Variants in ZNF112 observed in about 807,000 individuals in gnomAD.
ZNF112 encodes zinc finger protein 112.
A neutral mutation model predicts 77.7 loss-of-function variants in ZNF112; 37 were observed. The observed-to-expected ratio is 0.48, with a 90% confidence interval of 0.37 to 0.63. ZNF112 has a LOEUF of 0.63. Ranked by LOEUF, ZNF112 falls within the 20% of genes least tolerant of loss-of-function variation. ZNF112 has a pLI of 0.00. For synonymous variants in ZNF112, 333 were observed against 363.6 expected (o/e 0.92, Z 0.96); for missense variants, 950 against 1,077.4 (o/e 0.88, Z 1.66).
chr19:44,327,938 A>T lies in ZNF112; in HGVS notation c.2219T>A (p.Val740Glu), dbSNP rs1336297366. Residue 740 changes from valine (V) to glutamate (E), a missense_variant, in exon 4 of 4, where the codon GTG becomes GAG. Coordinates refer to ENST00000354340, the MANE Select transcript of ZNF112 (RefSeq NM_013380.4). ...LQGHQRVHTR[V>E]KPYKCEMCGK... ...ACACATCTCACATTTATACGGTTTCACTCTAGTGTGGACTCTCTGATGACC... is the reference window on the plus strand; with the variant it reads ...ACACATCTCACATTTATACGGTTTCTCTCTAGTGTGGACTCTCTGATGACC... 3 of 1,596,960 alleles carry T rather than the reference A, an allele frequency of 1.9e-6. No individual in the cohort carries two copies. The highest frequency in any genetic ancestry group is 1.7e-5 in the Admixed American group (1 of 58,280).
chr19:44,340,190 A>G (rs1970464307), intron 2 of ZNF112, among the ~76,000 whole-genome samples: 1 of 152,184 alleles, frequency 6.6e-6, no homozygotes, highest in Non-Finnish European at 1.5e-5. Context: ...ACAACTTACT[A>G]AACTGTTTGA....
At chr19:44,354,601 A>G (rs1970752320) in intron 1 of ZNF112, among the ~76,000 whole-genome samples, 1 of 152,138 alleles carries the variant, frequency 6.6e-6, no homozygotes, top group Non-Finnish European at 1.5e-5. Context: ...TTTCTATTCT[A>G]TTTTGATACC....
Position 44,340,401 on chromosome 19 carries a change from G to A in ZNF112, c.124+15C>T, listed in dbSNP as rs760814062. 1.2e-6 allele frequency: 2 copies of A among 1,612,004 alleles called. No individual in the cohort carries two copies. Among genetic ancestry groups the A allele is most frequent in the Admixed American group, 3.4e-5 (2 of 59,430 alleles). On this transcript the variant is annotated intron_variant, in intron 2 of 3. Coordinates refer to ENST00000354340, the MANE Select transcript of ZNF112 (RefSeq NM_013380.4). Reference sequence around the variant, plus strand: ...AGGAGGCTGCCATTGAGTAACTAAGGGCACCTATCCTCACCTACTAAGAGC... The same window carrying A: ...AGGAGGCTGCCATTGAGTAACTAAGAGCACCTATCCTCACCTACTAAGAGC...
chr19:44,335,158 T>A (rs1324869042), intron 3 of ZNF112, among the ~76,000 whole-genome samples: 2 of 152,144 alleles, frequency 1.3e-5, no homozygotes, highest in Non-Finnish European at 2.9e-5. Context: ...AGACATGGAG[T>A]CAAAGGAGAT....
Position 44,335,967 on chromosome 19 carries a change from A to G in ZNF112, c.220+656T>C, listed in dbSNP as rs147001674. Among the ~76,000 whole-genome samples, 313 of 152,266 alleles carry G rather than the reference A, an allele frequency of 2.1e-3. 1 individual carries two copies. The highest frequency in any genetic ancestry group is 3.4e-3 in the Middle Eastern group (1 of 294). On this transcript the variant is annotated intron_variant, in intron 3 of 3. Transcript: ENST00000354340. ...ACTTTAAGACTGTGGCTATGTCAAGAGATTGTTTGGGTGCGAGAGTATGGG... is the reference window on the plus strand; with the variant it reads ...ACTTTAAGACTGTGGCTATGTCAAGGGATTGTTTGGGTGCGAGAGTATGGG...
At chr19:44,362,063 T>C (rs1970859908) in intron 1 of ZNF112, among the ~76,000 whole-genome samples, 1 of 152,166 alleles carries the variant, frequency 6.6e-6, no homozygotes, top group African/African-American at 2.4e-5. Context: ...AGAAACTCTA[T>C]AATGAATATG....
chr19:44,341,418 T>C (rs571973265), intron 1 of ZNF112, among the ~76,000 whole-genome samples: 34 of 152,180 alleles, frequency 2.2e-4, no homozygotes, highest in Non-Finnish European at 4.3e-4. Flanking sequence ...AAAGTAACAA[T>C]GGCAATGCTG....
chr19:44,355,229 A>G (rs780117108), intron 1 of ZNF112, among the ~76,000 whole-genome samples: 2 of 152,194 alleles, frequency 1.3e-5, no homozygotes, highest in Non-Finnish European at 2.9e-5. Context: ...TATGAAGCCT[A>G]TTTGGTTAAA....
At chr19:44,339,905 T>C (rs565635517) in intron 2 of ZNF112, among the ~76,000 whole-genome samples, 1 of 152,216 alleles carries the variant, frequency 6.6e-6, no homozygotes, top group East Asian at 1.9e-4. Flanking sequence ...GAAAAAGATA[T>C]TATGACTATA....
Position 44,327,810 on chromosome 19 carries a change from T to G in ZNF112, c.2347A>C (p.Ser783Arg), listed in dbSNP as rs748108450. Residue 783 changes from serine to arginine, a missense_variant, in exon 4 of 4, where the codon AGT becomes CGT. This residue lies in a region of ZNF112 where 373 missense variants were observed against 482.8 expected (regional missense o/e 0.77). Coordinates refer to ENST00000354340, the MANE Select transcript of ZNF112 (RefSeq NM_013380.4). ...CTTTGGTGTGCTTGAAGGCGTGAACTCTCACTGAAACCCTTTGTACACACC... is the reference window on the plus strand; with the variant it reads ...CTTTGGTGTGCTTGAAGGCGTGAACGCTCACTGAAACCCTTTGTACACACC... The part of the protein sequence containing the change: ...CEVCTKGFSE[S>R]SRLQAHQRVH... 2 of 1,613,790 alleles carry G rather than the reference T, an allele frequency of 1.2e-6. No homozygotes were observed. The highest frequency in any genetic ancestry group is 1.7e-6 in the Non-Finnish European group (2 of 1,179,746).
At chr19:44,330,877 G>A (rs527960806) in intron 3 of ZNF112, among the ~76,000 whole-genome samples, 2 of 152,298 alleles carry the variant, frequency 1.3e-5, no homozygotes, top group South Asian at 2.1e-4. Context: ...GTCCTAATAA[G>A]TTTTTCTTTT....
upstream of ZNF112, among the ~76,000 whole-genome samples, chr19:44,360,451 G>C (rs1282280942): frequency 6.6e-6 from 1 of 151,786 alleles, no homozygotes; most frequent in East Asian, 1.9e-4. Context: ...CAATAGTAAA[G>C]ATCTACAAAA....
intron 3 of ZNF112, 44 bp downstream of exon 3, chr19:44,336,579 G>T: frequency 6.6e-7 from 1 of 1,518,068 alleles, no homozygotes; most frequent in Non-Finnish European, 9.2e-7. Context: ...TCATGTTCTA[G>T]AAGGGGCTCC....
upstream of ZNF112, among the ~76,000 whole-genome samples, chr19:44,356,895 C>T (rs1425285928): frequency 1.3e-5 from 2 of 152,176 alleles, no homozygotes; most frequent in Non-Finnish European, 2.9e-5. Context: ...ATGTGCCGGT[C>T]CCAAAGGAAT....
At chr19:44,330,460 G>T (rs1970249295) in intron 3 of ZNF112, among the ~76,000 whole-genome samples, 1 of 152,190 alleles carries the variant, frequency 6.6e-6, no homozygotes, top group African/African-American at 2.4e-5. Flanking sequence ...ACATGGCTGG[G>T]CATGGTGGCT....
chr19:44,343,386 C>T, intron 1 of ZNF112: 1 of 1,142,224 alleles, frequency 8.8e-7, no homozygotes, highest in Non-Finnish European at 1.3e-6. Context: ...AAAGGTGTCC[C>T]TTCCCCCAGC....
In ZNF112 at chr19:44,329,189, T is replaced by G; in HGVS notation, c.968A>C (p.Lys323Thr). The G allele has an allele frequency of 6.2e-7, 1 of 1,613,916 alleles. No individual in the cohort carries two copies. Residue 323 changes from lysine (K) to threonine (T), a missense_variant, in exon 4 of 4, where the codon AAA becomes ACA. Lys to Thr is a moderately conservative substitution (Grantham distance 78). Coordinates refer to ENST00000354340, the MANE Select transcript of ZNF112 (RefSeq NM_013380.4). The stretch of plus-strand genomic sequence containing the variant: ...ACCATATTCACCACATTTGCATGGT[T>G]TCTCCTCTGTATGCACTCTCTGATA... Reference protein sequence around the residue: ...KSYQRVHTEEKPCKCGEYGEN... With the variant: ...KSYQRVHTEETPCKCGEYGEN...
intron 1 of ZNF112, among the ~76,000 whole-genome samples, chr19:44,346,981 T>C (rs1178492763): frequency 6.6e-6 from 1 of 152,250 alleles, no homozygotes; most frequent in African/African-American, 2.4e-5. Flanking sequence ...GAATCCTTAC[T>C]GGTTTTCAGT....
In ZNF112 at chr19:44,327,738, C is replaced by T; in HGVS notation, c.2419G>A (p.Gly807Ser). The change falls in exon 4 of 4, where the codon GGT (glycine) becomes AGT (serine). Residue 807 changes from glycine to serine, a missense_variant. Gly to Ser is a moderately conservative substitution (Grantham distance 56, BLOSUM62 0). This residue lies in a region of ZNF112 where 373 missense variants were observed against 482.8 expected (regional missense o/e 0.77). Transcript: ENST00000354340. Reference sequence around the variant, plus strand: ...TGAAGACTTGAATACCCACTGAAACCCTTACCACACTGTTCACATTTATAG... The same window carrying T: ...TGAAGACTTGAATACCCACTGAAACTCTTACCACACTGTTCACATTTATAG... ...RPYKCEQCGK[G>S]FSGYSSLQAH... The T allele has an allele frequency of 1.2e-6, 2 of 1,613,442 alleles. No individual in the cohort carries two copies. Among genetic ancestry groups the T allele is most frequent in the Non-Finnish European group, 1.7e-6 (2 of 1,179,836 alleles).
Sources: gnomAD v4.1 joint callset for allele counts (sites outside exome capture counted in the v4.1 genomes callset) on GRCh38, gnomAD v4.1.1 for gene constraint, gnomAD v4.1.1 regional missense constraint, MANE v1.5 for transcripts, NCBI Gene and HGNC (gene_info 2026-07-23, HGNC 2026-07-21) for gene names.